Variants in BRI3BP observed in about 807,000 individuals in gnomAD.
The protein encoded by BRI3BP is BRI3 binding protein.
BRI3BP carries 7 observed loss-of-function variants against 15.8 expected under a neutral mutation model. The observed-to-expected ratio is 0.44, with a 90% CI of 0.25 to 0.83. The LOEUF is 0.83. Ranked by LOEUF, BRI3BP falls within the 40% of genes least tolerant of loss-of-function variation. BRI3BP has a pLI of 0.20. For synonymous variants in BRI3BP, 192 were observed against 163.5 expected, an observed-to-expected ratio of 1.17 and a Z score of -1.33; for missense variants, 320 against 339.3, an observed-to-expected ratio of 0.94 and a Z score of 0.45.
chr12:125,045,411 C>T, the BRI3BP span, among the ~76,000 whole-genome samples: 4 of 152,158 alleles, frequency 2.6e-5, no homozygotes, highest in African/African-American at 9.7e-5. Flanking sequence ...GATCCCGGCT[C>T]ACTGCAACCT....
chr12:125,036,489 T>G, the BRI3BP span, among the ~76,000 whole-genome samples: 1 of 152,160 alleles, frequency 6.6e-6, no homozygotes, highest in East Asian at 1.9e-4. Context: ...TATTGGTGGC[T>G]TCAATGTAGA....
At chr12:125,003,342 G>A (rs1164960051) in intron 1 of BRI3BP, among the ~76,000 whole-genome samples, 1 of 152,156 alleles carries the variant, frequency 6.6e-6, no homozygotes, top group Non-Finnish European at 1.5e-5. Context: ...AAGCAATCTT[G>A]TTCCCTCCCA....
intron 1 of BRI3BP, among the ~76,000 whole-genome samples, chr12:124,998,361 G>A (rs10161415): frequency 0.75 from 114,168 of 152,106 alleles, 43,131 homozygotes; most frequent in East Asian, 0.99. Flanking sequence ...AAGTGGAAAT[G>A]TCCCAAATGT....
chr12:125,011,498 A>C (rs1262956523), intron 1 of BRI3BP, among the ~76,000 whole-genome samples: 1 of 152,140 alleles, frequency 6.6e-6, no homozygotes, highest in Non-Finnish European at 1.5e-5. Flanking sequence ...GAGTGTGAGT[A>C]TCTCCAAGAC....
rs565066894 is a variant in BRI3BP, at chr12:124,994,036, G to T, written c.213+33G>T. ...CCGGGCCCGCGCCCGCGGTCACCTT[G>T]CCCCGGTCGCCACGCACCTGGCTAC... is the stretch of plus-strand genomic sequence containing the variant. On this transcript the variant is annotated intron_variant, in intron 1 of 2. Transcript: ENST00000341446. 14 of 1,252,808 alleles carry T rather than the reference G, an allele frequency of 1.1e-5. 1 individual carries two copies. In the Admixed American group the frequency reaches 4.3e-4, roughly 38 times the overall value. 77.6% of individuals were successfully genotyped at this position (1,252,808 alleles called of 1,614,324 possible).
chr12:125,006,956 T>C (rs761660454), intron 1 of BRI3BP, among the ~76,000 whole-genome samples: 2 of 152,140 alleles, frequency 1.3e-5, no homozygotes, highest in African/African-American at 2.4e-5. Flanking sequence ...CCCAGCACTT[T>C]GGGAGGTCAA....
At chr12:125,040,973 C>T in the BRI3BP span, among the ~76,000 whole-genome samples, 1 of 152,218 alleles carries the variant, frequency 6.6e-6, no homozygotes, top group East Asian at 1.9e-4. Context: ...TCAGGTGATC[C>T]ACCTGCCTCA....
intron 1 of BRI3BP, among the ~76,000 whole-genome samples, chr12:125,008,299 C>CTTTTTTTTTTTTTTTTT (rs55697100): frequency 2.1e-4 from 21 of 99,928 alleles, no homozygotes; most frequent in African/African-American, 2.4e-4. Context: ...CCTCTTCTTT[C>CTTTTTTTTTTTTTTTTT]TTTTTTTTTT....
chr12:125,048,219 A>G, the BRI3BP span, among the ~76,000 whole-genome samples: 2 of 152,108 alleles, frequency 1.3e-5, no homozygotes, highest in Non-Finnish European at 2.9e-5. Flanking sequence ...AAAGGGATGT[A>G]TACTCTCCAA....
At chr12:124,995,837 C>T (rs934269024) in intron 1 of BRI3BP, among the ~76,000 whole-genome samples, 2 of 152,200 alleles carry the variant, frequency 1.3e-5, no homozygotes, top group Admixed American at 1.3e-4. Context: ...ATTAGTATCT[C>T]TCGCCTGTTT....
intron 2 of BRI3BP, among the ~76,000 whole-genome samples, chr12:125,012,965 C>T (rs1466754999): frequency 6.6e-6 from 1 of 152,002 alleles, no homozygotes; most frequent in East Asian, 1.9e-4. Flanking sequence ...CACCTGTAGT[C>T]CCCATCCACT....
chr12:125,020,551 G>C (rs906343658), intron 2 of BRI3BP, among the ~76,000 whole-genome samples: 1 of 152,208 alleles, frequency 6.6e-6, no homozygotes, highest in Non-Finnish European at 1.5e-5. Flanking sequence ...TCTGTAATGG[G>C]TTGTTATTTG....
intron 2 of BRI3BP, among the ~76,000 whole-genome samples, chr12:125,023,455 T>G (rs1259114778): frequency 2.6e-5 from 4 of 152,172 alleles, no homozygotes; most frequent in African/African-American, 9.6e-5. Context: ...TCCTAGGTAG[T>G]TGTGTGCCCA....
intron 2 of BRI3BP, among the ~76,000 whole-genome samples, chr12:125,013,920 G>A (rs1016707886): frequency 1.3e-5 from 2 of 152,108 alleles, no homozygotes; most frequent in African/African-American, 4.8e-5. Context: ...GGCACTCCTA[G>A]TCCAGTCCTG....
rs1333676219 is a variant in BRI3BP, at chr12:125,030,619, C to A, written c.*5189C>A. 2 of 152,142 alleles carry A rather than the reference C, an allele frequency of 1.3e-5. No individual in the cohort carries two copies. Among genetic ancestry groups the A allele is most frequent in the Non-Finnish European group, 2.9e-5 (2 of 68,032 alleles). The allele number at this position is 152,142 out of a possible 1,614,324, so 9.4% of individuals were successfully genotyped here. ...ATTGTCTACTGAAAAGCTGTGGCAGCGAGTGGTATTATTGACCATGTGTTC... is the reference window on the plus strand; with the variant it reads ...ATTGTCTACTGAAAAGCTGTGGCAGAGAGTGGTATTATTGACCATGTGTTC... On this transcript the variant is annotated 3_prime_UTR_variant, in exon 3 of 3. Coordinates refer to ENST00000341446, the MANE Select transcript of BRI3BP (RefSeq NM_080626.6).
At position 125,027,218 on chromosome 12, in the gene BRI3BP, G is replaced by T. The variant is rs1397741467; in HGVS notation, c.*1788G>T. 2 of 152,200 alleles carry T rather than the reference G, an allele frequency of 1.3e-5. No homozygotes were observed. Among genetic ancestry groups the T allele is most frequent in the Non-Finnish European group, 2.9e-5 (2 of 68,050 alleles). The allele number at this position is 152,200 out of a possible 1,614,324, so 9.4% of individuals were successfully genotyped here. A position where few individuals can be genotyped will look rare whatever the true frequency, so the allele number is the denominator to read the frequency against. ...TTTGGTTGCAAGTATCTGGAAAACAGATGCAGATGTTTTTGTGGATGTTGT... is the reference window on the plus strand; with the variant it reads ...TTTGGTTGCAAGTATCTGGAAAACATATGCAGATGTTTTTGTGGATGTTGT... On this transcript the variant is annotated 3_prime_UTR_variant, in exon 3 of 3. Coordinates refer to ENST00000341446, the MANE Select transcript of BRI3BP (RefSeq NM_080626.6).
intron 2 of BRI3BP, among the ~76,000 whole-genome samples, chr12:125,013,341 G>C (rs543911178): frequency 3.3e-5 from 5 of 152,270 alleles, no homozygotes; most frequent in Non-Finnish European, 7.4e-5. Context: ...AGACACTGCC[G>C]AACTGGCTGT....
At position 125,029,836 on chromosome 12, in the gene BRI3BP, G is replaced by C. The variant is rs1404342658; in HGVS notation, c.*4406G>C. On this transcript the variant is annotated 3_prime_UTR_variant, in exon 3 of 3. Transcript: ENST00000341446. Reference sequence around the variant, plus strand: ...GGGAGGCAGCGATGTCAGGGAACTGGGACTATGTCTTTATGACTGTGATGG... The same window carrying C: ...GGGAGGCAGCGATGTCAGGGAACTGCGACTATGTCTTTATGACTGTGATGG... 6.6e-6 allele frequency: 1 copy of C among 152,356 alleles called. No homozygotes were observed. Among genetic ancestry groups the C allele is most frequent in the Non-Finnish European group, 1.5e-5 (1 of 68,064 alleles). 9.4% of individuals were successfully genotyped at this position (152,356 alleles called of 1,614,324 possible).
chr12:125,035,520 C>T (rs971100397), downstream of BRI3BP, among the ~76,000 whole-genome samples: 2 of 151,888 alleles, frequency 1.3e-5, no homozygotes, highest in South Asian at 4.2e-4. Flanking sequence ...CAGTATCCCA[C>T]CTAAGTGGGA....
Sources: gnomAD v4.1 joint callset for allele counts (sites outside exome capture counted in the v4.1 genomes callset) on GRCh38, gnomAD v4.1.1 for gene constraint, MANE v1.5 for transcripts, NCBI Gene and HGNC (gene_info 2026-07-23, HGNC 2026-07-21) for gene names.